Variants in AGMO observed in about 807,000 individuals in gnomAD.
The protein encoded by AGMO is glyceryl-ether monooxygenase.
AGMO carries 75 observed loss-of-function variants against 60.2 expected under a neutral mutation model. The observed-to-expected ratio is 1.25, with a 90% confidence interval of 1.03 to 1.51. The LOEUF is 1.51. AGMO is among the 40% of genes most tolerant of loss of function. AGMO has a pLI of 0.00. For synonymous variants in AGMO, 261 were observed against 177.1 expected (o/e 1.47, Z -3.76); for missense variants, 763 against 525.5 (o/e 1.45, Z -4.42).
the AGMO span, among the ~76,000 whole-genome samples, chr7:15,154,618 A>G: frequency 6.6e-6 from 1 of 152,102 alleles, no homozygotes; most frequent in Non-Finnish European, 1.5e-5. Flanking sequence ...GTTAATCTTG[A>G]TATGTGAAGA....
chr7:15,348,089 C>T (rs1214627576), intron 12 of AGMO, among the ~76,000 whole-genome samples: 3 of 151,820 alleles, frequency 2.0e-5, no homozygotes, highest in African/African-American at 4.8e-5. Flanking sequence ...TGTTATTGCC[C>T]CTTTATATTA....
chr7:15,552,141 C>T (rs1384489291), intron 2 of AGMO, among the ~76,000 whole-genome samples: 1 of 152,164 alleles, frequency 6.6e-6, no homozygotes, highest in Non-Finnish European at 1.5e-5. Context: ...AACTGGATCC[C>T]TTCCTTACAC....
At chr7:15,232,293 T>C (rs1372978778) in intron 12 of AGMO, among the ~76,000 whole-genome samples, 1 of 152,158 alleles carries the variant, frequency 6.6e-6, no homozygotes, top group Non-Finnish European at 1.5e-5. Context: ...GTATCCACAA[T>C]ATTTTAGGAA....
intron 12 of AGMO, among the ~76,000 whole-genome samples, chr7:15,234,130 A>G (rs1255307687): frequency 6.6e-6 from 1 of 152,148 alleles, no homozygotes; most frequent in East Asian, 1.9e-4. Flanking sequence ...TACTGACTAC[A>G]ACTTCCGAAA....
chr7:15,184,474 G>A, the AGMO span, among the ~76,000 whole-genome samples: 3 of 118,094 alleles, frequency 2.5e-5, no homozygotes, highest in Non-Finnish European at 5.2e-5. Flanking sequence ...AAGGAAGGAA[G>A]GAAAAGGAGG....
intron 4 of AGMO, among the ~76,000 whole-genome samples, chr7:15,424,226 G>C (rs1360976361): frequency 6.6e-6 from 1 of 151,868 alleles, no homozygotes; most frequent in African/African-American, 2.4e-5. Flanking sequence ...CTCCCTCCAA[G>C]TAAAACCATC....
At chr7:15,331,900 T>G (rs1175249248) in intron 12 of AGMO, among the ~76,000 whole-genome samples, 1 of 151,248 alleles carries the variant, frequency 6.6e-6, no homozygotes, top group Non-Finnish European at 1.5e-5. Flanking sequence ...CACTCCAGCT[T>G]GGACAACAAG....
intron 12 of AGMO, among the ~76,000 whole-genome samples, chr7:15,277,720 G>A (rs1210459230): frequency 6.6e-6 from 1 of 152,156 alleles, no homozygotes; most frequent in Non-Finnish European, 1.5e-5. Flanking sequence ...TGCAGTAAAA[G>A]CAGATGGGTA....
At chr7:15,243,176 A>AT (rs1323622715) in intron 12 of AGMO, among the ~76,000 whole-genome samples, 1 of 152,122 alleles carries the variant, frequency 6.6e-6, no homozygotes, top group Non-Finnish European at 1.5e-5. Flanking sequence ...TGCTTTTATA[A>AT]TCCTACTCAC....
intron 3 of AGMO, among the ~76,000 whole-genome samples, chr7:15,489,304 C>CT (rs1783006611): frequency 6.6e-6 from 1 of 152,066 alleles, no homozygotes; most frequent in African/African-American, 2.4e-5. Flanking sequence ...ACTTACATAA[C>CT]TTTAAGAATT....
intron 10 of AGMO, among the ~76,000 whole-genome samples, chr7:15,373,560 T>C (rs1039764234): frequency 2.6e-5 from 4 of 152,148 alleles, no homozygotes; most frequent in African/African-American, 9.7e-5. Flanking sequence ...AAGAGGACTA[T>C]CACTGTCTTA....
rs1583434989 is a variant in AGMO at position 15,346,424 on chromosome 7, T to A, written c.1263+19090A>T. Among the ~76,000 whole-genome samples the A allele has an allele frequency of 2.0e-5, 3 of 152,090 alleles. No homozygotes were observed. The East Asian group carries it at 5.8e-4, about 29-fold the overall frequency. ...CTACTTCCAACATTTAAACTAATAG[T>A]GTTTCACGTGTTTTGTGCTTAGGAT... On this transcript the variant is annotated intron_variant, in intron 12 of 12. Coordinates refer to ENST00000342526, the MANE Select transcript of AGMO (RefSeq NM_001004320.2).
At chr7:15,241,420 A>G (rs900911351) in intron 12 of AGMO, among the ~76,000 whole-genome samples, 19 of 132,958 alleles carry the variant, frequency 1.4e-4, no homozygotes, top group African/African-American at 5.4e-4. Flanking sequence ...GGATAGCGCC[A>G]CTGCAGTCCA....
chr7:15,430,670 C>T (rs1390401032), intron 4 of AGMO, among the ~76,000 whole-genome samples: 1 of 148,172 alleles, frequency 6.7e-6, no homozygotes, highest in Non-Finnish European at 1.5e-5. Flanking sequence ...TTACTGAAAT[C>T]CTTGTTACAT....
At chr7:15,224,681 T>C (rs1003437215) in intron 12 of AGMO, among the ~76,000 whole-genome samples, 1 of 152,062 alleles carries the variant, frequency 6.6e-6, no homozygotes, top group Admixed American at 6.6e-5. Flanking sequence ...AAACTCTCTA[T>C]GCTTGAAAAA....
the AGMO span, among the ~76,000 whole-genome samples, chr7:15,145,548 A>T: frequency 6.6e-6 from 1 of 152,164 alleles, no homozygotes; most frequent in Non-Finnish European, 1.5e-5. Flanking sequence ...CTATCTCAAG[A>T]TGGCAGTATT....
intron 12 of AGMO, among the ~76,000 whole-genome samples, chr7:15,249,279 G>T (rs1583327435): frequency 6.6e-6 from 1 of 151,804 alleles, no homozygotes; most frequent in South Asian, 2.1e-4. Flanking sequence ...AACTGCAGTG[G>T]GTTTAGGAGT....
intron 12 of AGMO, among the ~76,000 whole-genome samples, chr7:15,218,318 GGTGTGTGTATGTGTGT>G (rs1160202475): frequency 3.7e-5 from 4 of 108,230 alleles, no homozygotes; most frequent in South Asian, 6.2e-4. Flanking sequence ...TATTGACTAT[GGTGTGTGTATGTGTGT>G]GTGTGTGTGT....
intron 12 of AGMO, among the ~76,000 whole-genome samples, chr7:15,204,121 AGAGT>A (rs1781379268): frequency 6.6e-6 from 1 of 152,116 alleles, no homozygotes; most frequent in African/African-American, 2.4e-5. Flanking sequence ...AGAAGAAAAC[AGAGT>A]TAATTTTACA....
Sources: gnomAD v4.1 joint callset for allele counts (sites outside exome capture counted in the v4.1 genomes callset) on GRCh38, gnomAD v4.1.1 for gene constraint, MANE v1.5 for transcripts, NCBI Gene and HGNC (gene_info 2026-07-23, HGNC 2026-07-21) for gene names.